The following SNTG2 variants were observed in gnomAD, a reference collection of about 807,000 sequenced individuals.
SNTG2 encodes gamma-2-syntrophin.
In SNTG2, 74 loss-of-function variants were observed where a neutral mutation model predicts 70.9. That is an observed-to-expected ratio of 1.04 (90% CI 0.86 to 1.27). The LOEUF (loss-of-function observed/expected upper bound fraction) is 1.27, where lower values mean the gene tolerates loss of function less well. Ranked by LOEUF, SNTG2 falls within the 50% of genes most tolerant of loss-of-function variation. The probability of loss-of-function intolerance (pLI) is 0.00; values close to 1 mark genes in which losing one functional copy is unlikely to be tolerated. For synonymous variants in SNTG2, 278 were observed against 273.8 expected (o/e 1.02, Z -0.15); for missense variants, 717 against 690.7 (o/e 1.04, Z -0.43).
At chr2:952,650 T>C (rs1660014618) in intron 1 of SNTG2, among the ~76,000 whole-genome samples, 1 of 140,514 alleles carries the variant, frequency 7.1e-6, no homozygotes, top group Admixed American at 7.3e-5. Context: ...GTCTGAATTG[T>C]ATTGAAAGAA....
intron 1 of SNTG2, among the ~76,000 whole-genome samples, chr2:1,012,228 G>GC (rs1367599873): frequency 6.6e-6 from 1 of 152,364 alleles, no homozygotes; most frequent in African/African-American, 2.4e-5. Context: ...TGTATGGGAT[G>GC]CCTACATTGC....
At chr2:975,672 C>CA (rs1350751989) in intron 1 of SNTG2, among the ~76,000 whole-genome samples, 4 of 152,166 alleles carry the variant, frequency 2.6e-5, no homozygotes, top group Admixed American at 6.5e-5. Context: ...GTGTTTTAAA[C>CA]AAAAAAATCT....
In SNTG2 at chr2:996,673, G is replaced by GTTTTTTTT; in HGVS notation, c.72+45629_72+45636dup. Reference sequence around the variant, plus strand: ...ATATTGCTTGTATTTGAGTTACCCAGTTTTTTTTTTTTTTTTTTTTTTTTT... The same window carrying GTTTTTTTT: ...ATATTGCTTGTATTTGAGTTACCCAGTTTTTTTTTTTTTTTTTTTTTTTTTTTTTTTTT... On this transcript the variant is annotated intron_variant, in intron 1 of 16. Coordinates refer to ENST00000308624, the MANE Select transcript of SNTG2 (RefSeq NM_018968.4). 3.3e-3 allele frequency among the ~76,000 whole-genome samples: 115 copies of GTTTTTTTT among 35,098 alleles called. 26 individuals are homozygous for GTTTTTTTT. Among genetic ancestry groups the GTTTTTTTT allele is most frequent in the East Asian group, 0.024 (19 of 798 alleles). 23.0% of individuals were successfully genotyped at this position (35,098 alleles called of 152,430 possible). A position where few individuals can be genotyped will look rare whatever the true frequency, so the allele number is the denominator to read the frequency against.
intron 8 of SNTG2, among the ~76,000 whole-genome samples, chr2:1,203,903 A>G (rs919248481): frequency 6.6e-6 from 1 of 152,144 alleles, no homozygotes; most frequent in African/African-American, 2.4e-5. Flanking sequence ...TAGCAACGTT[A>G]TTTATAATAT....
chr2:951,557 C>G (rs55938917), intron 1 of SNTG2, among the ~76,000 whole-genome samples: 1 of 152,210 alleles, frequency 6.6e-6, no homozygotes, highest in Non-Finnish European at 1.5e-5. Flanking sequence ...GCTGGGGGCT[C>G]TAGGCCATTC....
chr2:1,155,259 CACACATACCCACACCCCACATAACAT>C (rs2147821532), intron 6 of SNTG2, among the ~76,000 whole-genome samples: 1 of 151,622 alleles, frequency 6.6e-6, no homozygotes, highest in African/African-American at 2.4e-5. Context: ...ACACACCACA[CACACATACCCACACCCCACATAACAT>C]ACACATACCC....
intron 1 of SNTG2, among the ~76,000 whole-genome samples, chr2:1,053,783 A>T (rs1662213415): frequency 6.6e-6 from 1 of 151,968 alleles, no homozygotes; most frequent in Non-Finnish European, 1.5e-5. Context: ...TGATTACTTT[A>T]ACCTGCATTC....
intron 16 of SNTG2, among the ~76,000 whole-genome samples, chr2:1,334,012 G>T (rs1465459353): frequency 6.6e-6 from 1 of 152,062 alleles, no homozygotes; most frequent in Non-Finnish European, 1.5e-5. Flanking sequence ...GACAACCCAC[G>T]GAAAGGGATA....
At chr2:1,043,500 T>C (rs1054266803) in intron 1 of SNTG2, among the ~76,000 whole-genome samples, 7 of 152,222 alleles carry the variant, frequency 4.6e-5, no homozygotes, top group African/African-American at 1.2e-4. Context: ...CTAGGCCCTA[T>C]GTCCAGAATA....
At chr2:1,167,425 G>C (rs1281484234) in intron 7 of SNTG2, among the ~76,000 whole-genome samples, 135 of 92,508 alleles carry the variant, frequency 1.5e-3, no homozygotes, top group East Asian at 3.0e-3. Context: ...CTGAAGCCTA[G>C]AAGCCGCCCA....
chr2:1,005,950 A>AATTATAT (rs1286962101), intron 1 of SNTG2, among the ~76,000 whole-genome samples: 1 of 149,212 alleles, frequency 6.7e-6, no homozygotes, highest in East Asian at 2.1e-4. Flanking sequence ...ATGCCAACTG[A>AATTATAT]ATTATATGGA....
At chr2:1,010,206 G>C (rs78523190) in intron 1 of SNTG2, among the ~76,000 whole-genome samples, 1,569 of 152,212 alleles carry the variant, frequency 0.01, 24 homozygotes, top group African/African-American at 0.036. Flanking sequence ...GCACTTAGGG[G>C]CTCACTAAAG....
At chr2:1,080,630 G>A (rs532091071) in intron 1 of SNTG2, among the ~76,000 whole-genome samples, 1 of 150,978 alleles carries the variant, frequency 6.6e-6, no homozygotes, top group Non-Finnish European at 1.5e-5. Context: ...GTGTGTGTGT[G>A]TCTGTGTGCC....
chr2:1,219,383 T>G (rs1674603844), intron 9 of SNTG2, among the ~76,000 whole-genome samples: 1 of 152,168 alleles, frequency 6.6e-6, no homozygotes, highest in African/African-American at 2.4e-5. Flanking sequence ...AATGGACCAA[T>G]ACAAATTGTT....
intron 4 of SNTG2, among the ~76,000 whole-genome samples, chr2:1,113,243 T>C (rs1666641230): frequency 6.6e-6 from 1 of 150,728 alleles, no homozygotes; most frequent in South Asian, 2.1e-4. Flanking sequence ...TTCAGAAGGA[T>C]GGTGTGTACT....
chr2:1,209,204 G>A lies in SNTG2; in HGVS notation c.693G>A (p.Arg231=), dbSNP rs1445925857. The A allele has an allele frequency of 3.1e-6, 5 of 1,613,928 alleles. No homozygotes were observed. The highest frequency in any genetic ancestry group is 1.6e-4 in the Middle Eastern group (1 of 6,062). ...CTCTGTCCATGGCTCGCATCTCAAG[G>A]TACAAAGCCGGAACGGAAAAATTAA... ...SVPLSMARIS[R]YKAGTEKLRW... The change falls in exon 9 of 17, where the codon AGG becomes AGA. Residue 231 remains arginine, a synonymous_variant. Transcript: ENST00000308624.
intron 4 of SNTG2, among the ~76,000 whole-genome samples, chr2:1,118,288 C>A (rs900882523): frequency 6.6e-6 from 1 of 152,064 alleles, no homozygotes; most frequent in African/African-American, 2.4e-5. Context: ...GCTGAGACTC[C>A]CCTCTACAGA....
At chr2:1,044,678 G>T (rs1252363324) in intron 1 of SNTG2, among the ~76,000 whole-genome samples, 16 of 152,144 alleles carry the variant, frequency 1.1e-4, no homozygotes, top group Admixed American at 9.8e-4. Flanking sequence ...TTATCTTCAT[G>T]TGATGAAGTA....
intron 9 of SNTG2, among the ~76,000 whole-genome samples, chr2:1,236,708 A>G (rs1676682581): frequency 6.6e-6 from 1 of 152,210 alleles, no homozygotes; most frequent in Admixed American, 6.5e-5. Context: ...ATTTGGCTCA[A>G]AAATATGCAG....
Sources: allele counts gnomAD v4.1 joint callset (sites outside exome capture counted in the v4.1 genomes callset), GRCh38; gene constraint gnomAD v4.1.1; transcripts MANE v1.5; gene names NCBI Gene and HGNC (gene_info 2026-07-23, HGNC 2026-07-21).